NHEJ1: variants seen among roughly 807,000 people sequenced by gnomAD.
NHEJ1 encodes the protein non-homologous end joining factor 1, also known as non-homologous end-joining factor 1.
A neutral mutation model predicts 39.4 loss-of-function variants in NHEJ1; 22 were observed. The ratio of observed to expected loss-of-function variants is 0.56; its 90% CI spans 0.40 to 0.80. The LOEUF is 0.80. Ranked by LOEUF, NHEJ1 falls within the 30% of genes least tolerant of loss-of-function variation. The probability of loss-of-function intolerance (pLI) is 0.00; values close to 1 mark genes in which losing one functional copy is unlikely to be tolerated. For missense variants in NHEJ1, 329 were observed against 357.1 expected (o/e 0.92, Z 0.63); for synonymous variants, 154 against 135.6 (o/e 1.14, Z -0.94).
At position 219,158,347 on chromosome 2, in the gene NHEJ1, G is replaced by A. The variant is rs1574750321; in HGVS notation, c.16C>T (p.Gln6Ter). MEELE[Q>*]GLLMQPWAWL... Reference sequence around the variant, plus strand: ...GCCCATGGCTGCATCAACAGGCCTTGCTCCAGTTCTTCCATCTGCAAAAAA... The same window carrying A: ...GCCCATGGCTGCATCAACAGGCCTTACTCCAGTTCTTCCATCTGCAAAAAA... The change falls in exon 2 of 8, where the codon CAA becomes TAA. Residue 6 changes from glutamine to a stop codon, truncating the protein, a stop_gained. Coordinates refer to ENST00000356853, the MANE Select transcript of NHEJ1 (RefSeq NM_024782.3). LOFTEE classifies it high-confidence loss of function. The A allele has an allele frequency of 4.3e-6, 7 of 1,614,148 alleles. No homozygotes were observed. The highest frequency in any genetic ancestry group is 5.9e-6 in the Non-Finnish European group (7 of 1,180,042).
chr2:219,103,579 A>G, intron 5 of NHEJ1, among the ~76,000 whole-genome samples: 1 of 152,060 alleles, frequency 6.6e-6, no homozygotes, highest in South Asian at 2.1e-4. Context: ...CCTGACCACC[A>G]TTTTTTTTAA....
chr2:219,129,032 A>G (rs1290628071), intron 5 of NHEJ1, among the ~76,000 whole-genome samples: 1 of 152,192 alleles, frequency 6.6e-6, no homozygotes, highest in Non-Finnish European at 1.5e-5. Context: ...CACTCTAACA[A>G]AGGCCATGGT....
chr2:219,097,002 T>C (rs1296079018), intron 5 of NHEJ1, among the ~76,000 whole-genome samples: 3 of 152,186 alleles, frequency 2.0e-5, no homozygotes, highest in African/African-American at 4.8e-5. Context: ...TCCTGGCTTA[T>C]GATTTTTTTG....
At chr2:219,114,178 G>A (rs1949390099) in intron 5 of NHEJ1, among the ~76,000 whole-genome samples, 1 of 152,164 alleles carries the variant, frequency 6.6e-6, no homozygotes, top group Admixed American at 6.5e-5. Context: ...CATGTCCAAG[G>A]ACACTTTGCT....
chr2:219,136,011 G>A (rs1191518505), intron 5 of NHEJ1, among the ~76,000 whole-genome samples: 1 of 152,176 alleles, frequency 6.6e-6, no homozygotes, highest in Non-Finnish European at 1.5e-5. Flanking sequence ...GGACATGCAT[G>A]ATTTCGTTTT....
chr2:219,108,191 C>G (rs1441429828), intron 5 of NHEJ1, among the ~76,000 whole-genome samples: 1 of 152,120 alleles, frequency 6.6e-6, no homozygotes, highest in East Asian at 1.9e-4. Context: ...AATCCAAGAC[C>G]CTGTATTATA....
At chr2:219,079,639 T>C (rs1250788859) in intron 5 of NHEJ1, among the ~76,000 whole-genome samples, 2 of 152,192 alleles carry the variant, frequency 1.3e-5, no homozygotes, top group African/African-American at 2.4e-5. Flanking sequence ...GTAATCACAC[T>C]AGAGTCTAAC....
At chr2:219,139,955 A>AG (rs1418557946) in intron 5 of NHEJ1, among the ~76,000 whole-genome samples, 3 of 152,256 alleles carry the variant, frequency 2.0e-5, no homozygotes, top group African/African-American at 7.2e-5. Context: ...CTGCGATTAC[A>AG]GGCGTAAGCC....
Position 219,071,046 on chromosome 2 carries a change from G to A in NHEJ1, c.*5335C>T, listed in dbSNP as rs553499638. Reference sequence around the variant, plus strand: ...ACTGGCAGTCTTCCCTTCTCATGTGGCATCAGGCTTTTTCTGTCTTGAGTA... The same window carrying A: ...ACTGGCAGTCTTCCCTTCTCATGTGACATCAGGCTTTTTCTGTCTTGAGTA... On this transcript the variant is annotated 3_prime_UTR_variant, in exon 8 of 8. Transcript: ENST00000356853. Among the ~76,000 whole-genome samples, 1 of 152,282 alleles carries A rather than the reference G, an allele frequency of 6.6e-6. No individual in the cohort carries two copies. Among genetic ancestry groups the A allele is most frequent in the East Asian group, 1.9e-4 (1 of 5,176 alleles).
intron 5 of NHEJ1, among the ~76,000 whole-genome samples, chr2:219,121,850 T>C (rs1157718888): frequency 1.3e-5 from 2 of 152,002 alleles, no homozygotes; most frequent in African/African-American, 4.8e-5. Context: ...TAATGAAAAT[T>C]GTTTAAAAAC....
intron 4 of NHEJ1, among the ~76,000 whole-genome samples, chr2:219,147,314 T>C (rs1574741793): frequency 6.6e-6 from 1 of 152,128 alleles, no homozygotes; most frequent in East Asian, 1.9e-4. Flanking sequence ...ACCCCGTCTA[T>C]ATTAAAAATA....
At chr2:219,152,783 A>ATTT (rs58581556) in intron 3 of NHEJ1, among the ~76,000 whole-genome samples, 2 of 116,174 alleles carry the variant, frequency 1.7e-5, no homozygotes, top group Admixed American at 9.0e-5. Context: ...TCATTTATTT[A>ATTT]TTTATTTTTA....
rs533874326 is a variant in NHEJ1, at chr2:219,073,847, T to C, written c.*2534A>G. On this transcript the variant is annotated 3_prime_UTR_variant, in exon 8 of 8. Transcript: ENST00000356853. ...ACTAATATTTACGGAATAAAATTTA[T>C]GGAGCAGCCACGAGAATTCGACCCT... Among the ~76,000 whole-genome samples, 3 of 152,332 alleles carry C rather than the reference T, an allele frequency of 2.0e-5. No individual in the cohort carries two copies. Among genetic ancestry groups the C allele is most frequent in the African/African-American group, 7.2e-5 (3 of 41,578 alleles).
At chr2:219,085,948 T>C (rs752919451) in intron 5 of NHEJ1, among the ~76,000 whole-genome samples, 2 of 152,174 alleles carry the variant, frequency 1.3e-5, no homozygotes, top group Non-Finnish European at 2.9e-5. Flanking sequence ...GTCCTACATA[T>C]ACTATTCAGA....
rs1948962220 is a variant in NHEJ1 at position 219,072,082 on chromosome 2, G to A, written c.*4299C>T. Among the ~76,000 whole-genome samples the A allele has an allele frequency of 6.6e-6, 1 of 152,192 alleles. No homozygotes were observed. The highest frequency in any genetic ancestry group is 2.4e-5 in the African/African-American group (1 of 41,454). ...ACTTCTAGATGTTCAAATAGAGAAG[G>A]ATTCCCTATGGTCCCTCTTCCTCAC... On this transcript the variant is annotated 3_prime_UTR_variant, in exon 8 of 8. Coordinates refer to ENST00000356853, the MANE Select transcript of NHEJ1 (RefSeq NM_024782.3).
At chr2:219,107,015 T>C (rs1320850977) in intron 5 of NHEJ1, among the ~76,000 whole-genome samples, 1 of 152,200 alleles carries the variant, frequency 6.6e-6, no homozygotes, top group Non-Finnish European at 1.5e-5. Flanking sequence ...GCTTCAATGG[T>C]GCCCACAACA....
At position 219,075,430 on chromosome 2, in the gene NHEJ1, GCATTTAAC is replaced by G. The variant is rs1949003536; in HGVS notation, c.*943_*950del. On this transcript the variant is annotated 3_prime_UTR_variant, in exon 8 of 8. Coordinates refer to ENST00000356853, the MANE Select transcript of NHEJ1 (RefSeq NM_024782.3). The stretch of plus-strand genomic sequence containing the variant: ...ATATACAGGATATTTGAATAAGGAG[GCATTTAAC>G]CATCGAAAGTAAATAAACCAGAAAT... 6.6e-6 allele frequency: 1 copy of G among 152,148 alleles called. No individual in the cohort carries two copies. The highest frequency in any genetic ancestry group is 1.5e-5 in the Non-Finnish European group (1 of 68,044). 9.4% of individuals were successfully genotyped at this position (152,148 alleles called of 1,614,324 possible).
At chr2:219,080,288 GCACTT>G (rs2106321413) in intron 5 of NHEJ1, among the ~76,000 whole-genome samples, 1 of 152,220 alleles carries the variant, frequency 6.6e-6, no homozygotes, top group East Asian at 1.9e-4. Flanking sequence ...TGTAATCCCA[GCACTT>G]TGGGAGGCCG....
rs921063668 is a variant in NHEJ1 at position 219,138,715 on chromosome 2, T to C, written c.588+7965A>G. 3.3e-5 allele frequency among the ~76,000 whole-genome samples: 5 copies of C among 152,250 alleles called. No individual in the cohort carries two copies. In the East Asian group the frequency reaches 7.7e-4, roughly 23 times the overall value. On this transcript the variant is annotated intron_variant, in intron 5 of 7. Transcript: ENST00000356853. Reference sequence around the variant, plus strand: ...GCAATATGTTGGAAACTAGGTGCTATAGAAAAAATAAAAAGTAGAGGATGG... The same window carrying C: ...GCAATATGTTGGAAACTAGGTGCTACAGAAAAAATAAAAAGTAGAGGATGG...
Sources: gnomAD v4.1 joint callset for allele counts (sites outside exome capture counted in the v4.1 genomes callset) on GRCh38, gnomAD v4.1.1 for gene constraint, MANE v1.5 for transcripts, NCBI Gene and HGNC (gene_info 2026-07-23, HGNC 2026-07-21) for gene names.